Variants in NR1H3 observed in about 807,000 individuals in gnomAD.
The protein encoded by NR1H3 is nuclear receptor subfamily 1 group H member 3.
In NR1H3, 19 loss-of-function variants were observed where a neutral mutation model predicts 48.1. The observed-to-expected ratio is 0.40, with a 90% CI of 0.28 to 0.58. NR1H3 has a LOEUF of 0.58. Ranked by LOEUF, NR1H3 falls within the 20% of genes least tolerant of loss-of-function variation. The pLI is 0.50. For missense variants in NR1H3, 486 were observed against 595.9 expected (o/e 0.82, Z 1.92); for synonymous variants, 232 against 227.3 (o/e 1.02, Z -0.19).
intron 3 of NR1H3, 75 bp downstream of exon 3, chr11:47,260,054 GT>G: frequency 7.8e-7 from 1 of 1,287,794 alleles, no homozygotes; most frequent in Non-Finnish European, 1.0e-6. Context: ...TTCCTTGGGG[GT>G]TTTTACTTTA....
At chr11:47,250,486 A>G (rs1364130075) in intron 1 of NR1H3, 1 of 152,196 alleles carries the variant, frequency 6.6e-6, no homozygotes, top group Admixed American at 6.5e-5. Context: ...TCAATTATTT[A>G]TATATACTTC....
intron 2 of NR1H3, 31 bp downstream of exon 2, chr11:47,259,290 C>T: frequency 6.2e-7 from 1 of 1,614,076 alleles, no homozygotes; most frequent in Non-Finnish European, 8.5e-7. Flanking sequence ...CTCCCCTGAG[C>T]CCAGACCGCA....
At chr11:47,260,749 C>T in intron 4 of NR1H3, 74 bp downstream of exon 4, 2 of 1,492,396 alleles carry the variant, frequency 1.3e-6, no homozygotes, top group South Asian at 2.6e-5. Flanking sequence ...AAAACAGGTG[C>T]CTGAACTTGC....
In NR1H3 at chr11:47,268,373, G is replaced by A; in HGVS notation, c.1197+18G>A. The stretch of plus-strand genomic sequence containing the variant: ...ATCCCCATGTGAGTCTCCCCATGGT[G>A]TTCCTTTTCCTCCTTCCCACACACA... On this transcript the variant is annotated intron_variant, in intron 9 of 9. Transcript: ENST00000441012. 6.2e-7 allele frequency: 1 copy of A among 1,612,478 alleles called. No individual in the cohort carries two copies. The highest frequency in any genetic ancestry group is 8.5e-7 in the Non-Finnish European group (1 of 1,178,538).
In NR1H3 at chr11:47,258,036, G is replaced by A. The variant is rs894317200; in HGVS notation, c.-131G>A. On this transcript the variant is annotated 5_prime_UTR_variant, in exon 1 of 10. Coordinates refer to ENST00000441012, the MANE Select transcript of NR1H3 (RefSeq NM_005693.4). ...AGCTCCAGCTCACTGGCTGGCCACC[G>A]AGACTTCTGGACAGGAAACTGCACC... 5 of 985,348 alleles carry A rather than the reference G, an allele frequency of 5.1e-6. No individual in the cohort carries two copies. The highest frequency in any genetic ancestry group is 4.7e-5 in the South Asian group (1 of 21,278). The allele number at this position is 985,348 out of a possible 1,614,324, so 61.0% of individuals were successfully genotyped here.
chr11:47,252,387 G>A (rs909280394), intron 1 of NR1H3, among the ~76,000 whole-genome samples: 4 of 151,814 alleles, frequency 2.6e-5, no homozygotes, highest in Admixed American at 1.3e-4. Context: ...TCAGCCTCCC[G>A]AGTAGCTGGG....
chr11:47,257,841 G>T, upstream of NR1H3: 1 of 981,086 alleles, frequency 1.0e-6, no homozygotes, highest in Non-Finnish European at 1.2e-6. Context: ...GGGGTGGCCG[G>T]CTGGGGAGGA....
chr11:47,261,586 C>G lies in NR1H3; in HGVS notation c.748C>G (p.Arg250Gly), dbSNP rs1591127338. Residue 250 changes from arginine (R) to glycine (G), a missense_variant, in exon 6 of 10, where the codon CGT becomes GGT. Physicochemically the swap from Arg to Gly is moderately radical, Grantham distance 125 (BLOSUM62 -2). Transcript: ENST00000441012. Reference sequence around the variant, plus strand: ...ACCAGATCCCCATAGCCGGGAGGCCCGTCAGCAGCGCTTTGCCCACTTCAC... The same window carrying G: ...ACCAGATCCCCATAGCCGGGAGGCCGGTCAGCAGCGCTTTGCCCACTTCAC... ...MAPDPHSREA[R>G]QQRFAHFTEL... The G allele has an allele frequency of 6.2e-7, 1 of 1,614,218 alleles. No homozygotes were observed. The highest frequency in any genetic ancestry group is 2.2e-5 in the East Asian group (1 of 44,888).
chr11:47,261,789 T>C, intron 6 of NR1H3, 63 bp downstream of exon 6: 2 of 1,610,270 alleles, frequency 1.2e-6, no homozygotes, highest in Non-Finnish European at 1.7e-6. Flanking sequence ...GGGAGGGGCC[T>C]CCAGACATCG....
upstream of NR1H3, chr11:47,248,830 G>T (rs1954351350): frequency 1.3e-6 from 2 of 1,557,576 alleles, no homozygotes; most frequent in African/African-American, 2.7e-5. Flanking sequence ...GGAACCCGCT[G>T]GGTGGCACCT....
At chr11:47,252,324 T>G (rs1023846593) in intron 1 of NR1H3, among the ~76,000 whole-genome samples, 3 of 150,838 alleles carry the variant, frequency 2.0e-5, no homozygotes, top group Non-Finnish European at 4.4e-5. Context: ...TGCAATGGCG[T>G]TATCTCGGCT....
intron 1 of NR1H3, among the ~76,000 whole-genome samples, chr11:47,249,484 C>CAAGGCATAACATAACAT (rs1186617074): frequency 3.9e-5 from 6 of 152,114 alleles, no homozygotes; most frequent in African/African-American, 1.4e-4. Context: ...TGCCTCTTCC[C>CAAGGCATAACATAACAT]AAAGGAGTTG....
Position 47,258,051 on chromosome 11 carries a change from G to A in NR1H3, c.-116G>A. 1.0e-6 allele frequency: 1 copy of A among 985,492 alleles called. No individual in the cohort carries two copies. 61.0% of individuals were successfully genotyped at this position (985,492 alleles called of 1,614,324 possible). On this transcript the variant is annotated 5_prime_UTR_variant, in exon 1 of 10. Transcript: ENST00000441012. Reference sequence around the variant, plus strand: ...GCTGGCCACCGAGACTTCTGGACAGGAAACTGCACCATCCTCTTCTCCCAG... The same window carrying A: ...GCTGGCCACCGAGACTTCTGGACAGAAAACTGCACCATCCTCTTCTCCCAG...
At chr11:47,258,299 G>GCCC in intron 1 of NR1H3, 170 bp downstream of exon 1, 3 of 651,614 alleles carry the variant, frequency 4.6e-6, no homozygotes, top group Non-Finnish European at 5.7e-6. Flanking sequence ...CTCATGAGGG[G>GCCC]CTCAGGGGAG....
intron 7 of NR1H3, among the ~76,000 whole-genome samples, chr11:47,262,219 A>C (rs761024872): frequency 1.3e-5 from 2 of 152,014 alleles, no homozygotes; most frequent in Non-Finnish European, 2.9e-5. Context: ...CTCTACTGAA[A>C]ATACAAAAAA....
upstream of NR1H3, chr11:47,248,855 G>A (rs1356240016): frequency 6.4e-7 from 1 of 1,551,794 alleles, no homozygotes; most frequent in Non-Finnish European, 8.7e-7. Context: ...GCAGCCGCCC[G>A]GACGCACCCG....
chr11:47,268,335 G>A lies in NR1H3; in HGVS notation c.1177G>A (p.Val393Ile), dbSNP rs1957305384. 2.5e-6 allele frequency: 4 copies of A among 1,613,926 alleles called. No individual in the cohort carries two copies. The highest frequency in any genetic ancestry group is 3.4e-6 in the Non-Finnish European group (4 of 1,179,994). Residue 393 changes from valine (V) to isoleucine (I), a missense_variant, in exon 9 of 10, where the codon GTC (valine) becomes ATC (isoleucine). By Grantham distance (29) the Val-to-Ile change is conservative. Transcript: ENST00000441012. ...HTYVEALHAY[V>I]SIHHPHDRLM... The stretch of plus-strand genomic sequence containing the variant: ...ATATGTGGAAGCCCTGCATGCCTAC[G>A]TCTCCATCCACCATCCCCATGTGAG...
chr11:47,268,399 G>C, intron 9 of NR1H3, 44 bp downstream of exon 9: 1 of 1,601,076 alleles, frequency 6.2e-7, no homozygotes, highest in Non-Finnish European at 8.6e-7. Context: ...CCCACACACA[G>C]GCCCATTCCC....
At chr11:47,251,013 G>T (rs1472730958) in intron 1 of NR1H3, among the ~76,000 whole-genome samples, 1 of 151,894 alleles carries the variant, frequency 6.6e-6, no homozygotes, top group Non-Finnish European at 1.5e-5. Context: ...CAAAAAGTTA[G>T]CCGGGTGTGG....
Sources: gnomAD v4.1 joint callset for allele counts (sites outside exome capture counted in the v4.1 genomes callset) on GRCh38, gnomAD v4.1.1 for gene constraint, MANE v1.5 for transcripts, NCBI Gene and HGNC (gene_info 2026-07-23, HGNC 2026-07-21) for gene names.